STX8: variants seen among roughly 807,000 people sequenced by gnomAD.
STX8 encodes the protein syntaxin-8.
Under a neutral mutation model 37.5 loss-of-function variants are expected in STX8, and 23 were observed. That is an observed-to-expected ratio of 0.61 (90% CI 0.44 to 0.87). The LOEUF is 0.87. Ranked by LOEUF, STX8 falls within the 40% of genes least tolerant of loss-of-function variation. STX8 has a pLI of 0.00. For synonymous variants in STX8, 115 were observed against 99.1 expected, an observed-to-expected ratio of 1.16 and a Z score of -0.95; for missense variants, 313 against 284.7, an observed-to-expected ratio of 1.10 and a Z score of -0.71.
At chr17:9,472,135 G>A (rs1228069587) in intron 6 of STX8, among the ~76,000 whole-genome samples, 2 of 149,336 alleles carry the variant, frequency 1.3e-5, no homozygotes, top group African/African-American at 5.0e-5. Context: ...GCCTGAGGCT[G>A]CTCCACTAAG....
At chr17:9,349,819 A>G (rs754804119) in intron 7 of STX8, among the ~76,000 whole-genome samples, 9 of 151,686 alleles carry the variant, frequency 5.9e-5, no homozygotes, top group Non-Finnish European at 1.0e-4. Context: ...ATAAATGCCT[A>G]CGGGATGAGA....
rs182498616 is a variant in STX8 at position 9,296,001 on chromosome 17, T to C, written c.644-45356A>G. ...GTCAGGAGATTGAGACCATCCTGGC[T>C]AACACGGTGAAACCCTGCCTCTGCT... On this transcript the variant is annotated intron_variant, in intron 7 of 7. Transcript: ENST00000306357. Among the ~76,000 whole-genome samples, 58 of 151,704 alleles carry C rather than the reference T, an allele frequency of 3.8e-4. No individual in the cohort carries two copies. The East Asian group carries it at 0.011, about 29-fold the overall frequency.
intron 6 of STX8, among the ~76,000 whole-genome samples, chr17:9,429,345 T>G (rs191078509): frequency 0.012 from 1,770 of 145,656 alleles, 40 homozygotes; most frequent in African/African-American, 0.042. Flanking sequence ...ATACATATAT[T>G]TATATATAAT....
intron 7 of STX8, among the ~76,000 whole-genome samples, chr17:9,344,343 C>G (rs1395808941): frequency 6.6e-6 from 1 of 151,634 alleles, no homozygotes; most frequent in Non-Finnish European, 1.5e-5. Flanking sequence ...TCACTGCAAC[C>G]TCTGCTTCCT....
chr17:9,318,007 C>A (rs1012124133), intron 7 of STX8, among the ~76,000 whole-genome samples: 1 of 152,150 alleles, frequency 6.6e-6, no homozygotes, highest in Non-Finnish European at 1.5e-5. Context: ...TTCTACTTCC[C>A]AATTCTTACA....
chr17:9,363,064 T>C (rs965148386), intron 7 of STX8, among the ~76,000 whole-genome samples: 2 of 152,138 alleles, frequency 1.3e-5, no homozygotes, highest in Non-Finnish European at 2.9e-5. Flanking sequence ...ATAACTGATT[T>C]AGTGTGAGTG....
chr17:9,316,392 T>G (rs1470049555), intron 7 of STX8, among the ~76,000 whole-genome samples: 1 of 152,032 alleles, frequency 6.6e-6, no homozygotes, highest in Non-Finnish European at 1.5e-5. Flanking sequence ...GTTTGAACTT[T>G]CAGCCCCATC....
At chr17:9,399,443 T>C (rs1439799970) in intron 6 of STX8, among the ~76,000 whole-genome samples, 1 of 152,184 alleles carries the variant, frequency 6.6e-6, no homozygotes, top group Admixed American at 6.5e-5. Flanking sequence ...GGGTCTGTAG[T>C]GCAACCTGTC....
At chr17:9,278,592 A>G (rs544440415) in intron 7 of STX8, among the ~76,000 whole-genome samples, 1 of 152,390 alleles carries the variant, frequency 6.6e-6, no homozygotes, top group South Asian at 2.1e-4. Context: ...TTATTGAGAC[A>G]GAAAACTAGG....
At chr17:9,314,703 C>T (rs773244521) in intron 7 of STX8, among the ~76,000 whole-genome samples, 21 of 151,274 alleles carry the variant, frequency 1.4e-4, no homozygotes, top group Non-Finnish European at 2.1e-4. Flanking sequence ...CCACCATGCC[C>T]GGCCGCTTAT....
chr17:9,544,307 T>G (rs1906407384), intron 4 of STX8, among the ~76,000 whole-genome samples: 3 of 152,040 alleles, frequency 2.0e-5, no homozygotes, highest in Admixed American at 2.0e-4. Flanking sequence ...AGGTAGCAAT[T>G]TACGGTTCAT....
At chr17:9,261,336 T>A (rs1343724820) in intron 7 of STX8, among the ~76,000 whole-genome samples, 1 of 152,234 alleles carries the variant, frequency 6.6e-6, no homozygotes, top group African/African-American at 2.4e-5. Context: ...TGGTAAGATT[T>A]ACCCAAGAGA....
At chr17:9,289,841 A>G (rs1205626652) in intron 7 of STX8, among the ~76,000 whole-genome samples, 1 of 152,162 alleles carries the variant, frequency 6.6e-6, no homozygotes, top group African/African-American at 2.4e-5. Context: ...CCAAAAAAAC[A>G]CAAAATATTG....
chr17:9,278,640 A>G (rs371533496), intron 7 of STX8, among the ~76,000 whole-genome samples: 24 of 152,304 alleles, frequency 1.6e-4, no homozygotes, highest in African/African-American at 5.8e-4. Context: ...GAGGGATTTA[A>G]GCTGACATAT....
chr17:9,491,320 T>A (rs916876019), intron 6 of STX8, among the ~76,000 whole-genome samples: 2 of 151,988 alleles, frequency 1.3e-5, no homozygotes, highest in Non-Finnish European at 2.9e-5. Context: ...GCCTTGCAGA[T>A]GCCTACACGT....
intron 7 of STX8, among the ~76,000 whole-genome samples, chr17:9,321,407 G>A (rs1909572603): frequency 6.6e-6 from 1 of 151,824 alleles, no homozygotes; most frequent in Admixed American, 6.6e-5. Flanking sequence ...GCAGATGCCT[G>A]TAATCCCAGC....
At chr17:9,512,721 A>C (rs12103742) in intron 4 of STX8, among the ~76,000 whole-genome samples, 1 of 152,054 alleles carries the variant, frequency 6.6e-6, no homozygotes, top group Non-Finnish European at 1.5e-5. Context: ...GGGATCACAG[A>C]TGTGAACCCA....
chr17:9,497,971 TAC>T (rs1227115857), intron 5 of STX8, among the ~76,000 whole-genome samples: 1 of 152,232 alleles, frequency 6.6e-6, no homozygotes, highest in Non-Finnish European at 1.5e-5. Context: ...CCTCTGAGTT[TAC>T]ACAGTCAAAA....
At chr17:9,271,055 A>G (rs2142139141) in intron 7 of STX8, among the ~76,000 whole-genome samples, 1 of 152,318 alleles carries the variant, frequency 6.6e-6, no homozygotes, top group East Asian at 1.9e-4. Flanking sequence ...CATTCTCAAG[A>G]CATTACCAAA....
Sources: gnomAD v4.1 joint callset for allele counts (sites outside exome capture counted in the v4.1 genomes callset) on GRCh38, gnomAD v4.1.1 for gene constraint, MANE v1.5 for transcripts, NCBI Gene and HGNC (gene_info 2026-07-23, HGNC 2026-07-21) for gene names.